The following CACNA1E variants were observed in gnomAD, a reference collection of about 807,000 sequenced individuals.
CACNA1E encodes calcium voltage-gated channel subunit alpha1 E.
A neutral mutation model predicts 259.2 loss-of-function variants in CACNA1E; 40 were observed. The ratio of observed to expected loss-of-function variants is 0.15; its 90% CI spans 0.12 to 0.20. CACNA1E has a LOEUF of 0.20. CACNA1E is among the 10% of genes least tolerant of loss of function. The pLI, the probability that CACNA1E is intolerant of heterozygous loss-of-function variation, is 1.00. For missense variants in CACNA1E, 1,874 were observed against 3,040.1 expected, an observed-to-expected ratio of 0.62 and a Z score of 9.02; for synonymous variants, 1,104 against 1,138.5, an observed-to-expected ratio of 0.97 and a Z score of 0.61.
At chr1:181,612,984 CTATT>C (rs76941525) in intron 6 of CACNA1E, among the ~76,000 whole-genome samples, 62,738 of 151,688 alleles carry the variant, frequency 0.41, 16,187 homozygotes, top group East Asian at 0.85. Context: ...TGACCTAGCA[CTATT>C]TATTACAAGT....
chr1:181,733,171 T>G, intron 20 of CACNA1E, 137 bp downstream of exon 20: 1 of 1,319,786 alleles, frequency 7.6e-7, no homozygotes. Context: ...TTGTGAGGTA[T>G]GAATAAATAT....
intron 6 of CACNA1E, among the ~76,000 whole-genome samples, chr1:181,624,958 A>G (rs1377803807): frequency 6.6e-6 from 1 of 152,054 alleles, no homozygotes; most frequent in Non-Finnish European, 1.5e-5. Context: ...ATGTTGTGTT[A>G]TCAGGCATGA....
intron 11 of CACNA1E, 38 bp from the exon 12 acceptor site, chr1:181,718,017 C>G (rs192838713): frequency 1.2e-5 from 12 of 1,024,572 alleles, no homozygotes; most frequent in African/African-American, 1.6e-5. Context: ...GAGCCCACCC[C>G]ACATGTGGAA....
intron 1 of CACNA1E, among the ~76,000 whole-genome samples, chr1:181,366,209 C>T (rs994441369): frequency 6.6e-6 from 1 of 152,174 alleles, no homozygotes; most frequent in Non-Finnish European, 1.5e-5. Context: ...GAGGAGAGTA[C>T]TGAAGCACCT....
At chr1:181,648,505 G>A (rs948716450) in intron 6 of CACNA1E, among the ~76,000 whole-genome samples, 3 of 152,212 alleles carry the variant, frequency 2.0e-5, no homozygotes, top group Non-Finnish European at 4.4e-5. Flanking sequence ...AAGTGTTTAT[G>A]AAATGGTGGA....
intron 18 of CACNA1E, among the ~76,000 whole-genome samples, chr1:181,728,837 CGTGTGTGTACACTGCTCAG>C (rs1655174075): frequency 7.5e-6 from 1 of 133,506 alleles, no homozygotes; most frequent in Non-Finnish European, 1.6e-5. Flanking sequence ...ACCCTGCTCA[CGTGTGTGTACACTGCTCAG>C]GTGTGTGTGC....
intron 1 of CACNA1E, among the ~76,000 whole-genome samples, chr1:181,331,598 C>A (rs776592532): frequency 1.3e-5 from 2 of 152,180 alleles, no homozygotes; most frequent in Non-Finnish European, 2.9e-5. Context: ...CAGACTCACA[C>A]GCCAGTCTCC....
intron 2 of CACNA1E, among the ~76,000 whole-genome samples, chr1:181,445,532 C>T (rs1002157156): frequency 2.0e-5 from 3 of 152,288 alleles, no homozygotes; most frequent in Admixed American, 6.5e-5. Context: ...GTAGCTGGCT[C>T]ATTGGTAGGT....
intron 7 of CACNA1E, among the ~76,000 whole-genome samples, chr1:181,686,284 T>G (rs1263102250): frequency 1.6e-5 from 2 of 122,520 alleles, no homozygotes; most frequent in Admixed American, 8.7e-5. Flanking sequence ...AGTTTTTTTT[T>G]TTTTTTTTTT....
At chr1:181,432,324 T>G (rs994786323) in intron 2 of CACNA1E, among the ~76,000 whole-genome samples, 1 of 152,138 alleles carries the variant, frequency 6.6e-6, no homozygotes, top group African/African-American at 2.4e-5. Context: ...ATACCTGTGT[T>G]AAGTAACATC....
At chr1:181,717,953 A>C (rs887852880) in intron 11 of CACNA1E, 102 bp from the exon 12 acceptor site, 1 of 647,116 alleles carries the variant, frequency 1.5e-6, no homozygotes, top group Non-Finnish European at 2.8e-6. Context: ...GAATGTCCTG[A>C]CGTGTGTTGT....
intron 1 of CACNA1E, among the ~76,000 whole-genome samples, chr1:181,340,274 G>A (rs1456577108): frequency 1.3e-5 from 2 of 151,726 alleles, no homozygotes; most frequent in Non-Finnish European, 2.9e-5. Flanking sequence ...ATCTGTTTCA[G>A]CATTTTCTAT....
intron 1 of CACNA1E, among the ~76,000 whole-genome samples, chr1:181,345,611 G>A (rs60570674): frequency 0.023 from 3,498 of 152,274 alleles, 153 homozygotes; most frequent in African/African-American, 0.079. Context: ...AGGAGACATA[G>A]ATGAACACGC....
At chr1:181,459,894 ATTC>A (rs1267679065) in intron 2 of CACNA1E, among the ~76,000 whole-genome samples, 1 of 152,180 alleles carries the variant, frequency 6.6e-6, no homozygotes, top group African/African-American at 2.4e-5. Flanking sequence ...GAGCAGATGA[ATTC>A]TTCTCTGTCT....
intron 25 of CACNA1E, among the ~76,000 whole-genome samples, chr1:181,742,371 C>G (rs908447451): frequency 2.0e-5 from 3 of 152,300 alleles, no homozygotes; most frequent in Middle Eastern, 3.4e-3. Context: ...GCAGGCTTGT[C>G]AAGTATCTCT....
chr1:181,643,547 A>G (rs1164005676), intron 6 of CACNA1E, among the ~76,000 whole-genome samples: 1 of 152,090 alleles, frequency 6.6e-6, no homozygotes, highest in Non-Finnish European at 1.5e-5. Context: ...AGTGGTGAGG[A>G]CTGCCCACAT....
intron 2 of CACNA1E, among the ~76,000 whole-genome samples, chr1:181,472,252 G>A (rs753422770): frequency 4.0e-5 from 6 of 151,788 alleles, no homozygotes; most frequent in Non-Finnish European, 8.8e-5. Context: ...GTAGGGAGAC[G>A]TAGGTCAAAG....
chr1:181,679,779 G>A (rs1649751027), intron 7 of CACNA1E, among the ~76,000 whole-genome samples: 1 of 152,152 alleles, frequency 6.6e-6, no homozygotes, highest in Non-Finnish European at 1.5e-5. Flanking sequence ...ACTTGCCATA[G>A]AAGTGTGCAG....
chr1:181,745,428 C>G lies in CACNA1E; in HGVS notation c.3720-5048C>G, dbSNP rs1311406338. 6 of 457,356 alleles carry G rather than the reference C, an allele frequency of 1.3e-5. No individual in the cohort carries two copies. The Admixed American group carries it at 1.3e-4, about 10-fold the overall frequency. 28.3% of individuals were successfully genotyped at this position (457,356 alleles called of 1,614,324 possible). On this transcript the variant is annotated intron_variant, in intron 25 of 47. Coordinates refer to ENST00000367573, the MANE Select transcript of CACNA1E (RefSeq NM_001205293.3). ...ACAGACCCAAGCAAAATGAAATGAT[C>G]CAATCAGGGAACACTGCCCCATCCA...
Sources: allele counts gnomAD v4.1 joint callset (sites outside exome capture counted in the v4.1 genomes callset), GRCh38; gene constraint gnomAD v4.1.1; transcripts MANE v1.5; gene names NCBI Gene and HGNC (gene_info 2026-07-23, HGNC 2026-07-21).